NKAIN3: variants seen among roughly 807,000 people sequenced by gnomAD.
The protein encoded by NKAIN3 is sodium/potassium transporting ATPase interacting 3.
In NKAIN3, 25 loss-of-function variants were observed where a neutral mutation model predicts 30.2. The observed-to-expected ratio is 0.83, with a 90% CI of 0.60 to 1.16. The LOEUF (loss-of-function observed/expected upper bound fraction) is 1.16, where lower values mean the gene tolerates loss of function less well. Among genes scored for constraint, NKAIN3 ranks in the 50% most tolerant of loss-of-function variants. The probability of loss-of-function intolerance (pLI) is 0.00; values close to 1 mark genes in which losing one functional copy is unlikely to be tolerated. For missense variants in NKAIN3, 225 were observed against 254.1 expected, an observed-to-expected ratio of 0.89 and a Z score of 0.78; for synonymous variants, 91 against 89.6, an observed-to-expected ratio of 1.02 and a Z score of -0.09.
intron 3 of NKAIN3, among the ~76,000 whole-genome samples, chr8:62,631,364 G>A (rs921799993): frequency 3.3e-5 from 5 of 152,138 alleles, no homozygotes; most frequent in African/African-American, 1.2e-4. Context: ...CTTGGTGAGG[G>A]ATGCTGTCCT....
chr8:62,297,393 A>G (rs1221645110), intron 1 of NKAIN3, among the ~76,000 whole-genome samples: 14 of 151,956 alleles, frequency 9.2e-5, no homozygotes, highest in Admixed American at 7.2e-4. Flanking sequence ...GCAACCTACA[A>G]AATGGGAGAA....
intron 4 of NKAIN3, among the ~76,000 whole-genome samples, chr8:62,756,794 T>C (rs80133822): frequency 0.017 from 2,540 of 152,278 alleles, 69 homozygotes; most frequent in African/African-American, 0.059. Context: ...AGTATGCATA[T>C]GATTAGTATT....
intron 4 of NKAIN3, among the ~76,000 whole-genome samples, chr8:62,880,120 A>G (rs1430002768): frequency 1.3e-5 from 2 of 152,216 alleles, no homozygotes; most frequent in Non-Finnish European, 2.9e-5. Flanking sequence ...TCATTTAAAC[A>G]TAAATTTTGT....
chr8:62,703,481 T>C (rs1814411637), intron 3 of NKAIN3, among the ~76,000 whole-genome samples: 1 of 152,206 alleles, frequency 6.6e-6, no homozygotes. Flanking sequence ...ATATATCAGC[T>C]ATTTAACCAA....
intron 1 of NKAIN3, among the ~76,000 whole-genome samples, chr8:62,409,648 A>C (rs1427757327): frequency 2.6e-5 from 4 of 152,078 alleles, no homozygotes; most frequent in Non-Finnish European, 5.9e-5. Context: ...GGATTAAATA[A>C]ATTTAGATTT....
intron 1 of NKAIN3, among the ~76,000 whole-genome samples, chr8:62,539,071 G>A (rs1808758491): frequency 6.6e-6 from 1 of 152,202 alleles, no homozygotes; most frequent in Non-Finnish European, 1.5e-5. Flanking sequence ...AGGGCATCCA[G>A]TTCTCTGAAC....
chr8:62,396,647 C>A lies in NKAIN3; in HGVS notation c.54+147520C>A, dbSNP rs139912981. Among the ~76,000 whole-genome samples the A allele has an allele frequency of 2.9e-3, 437 of 152,224 alleles. 3 individuals are homozygous for A. Among genetic ancestry groups the A allele is most frequent in the African/African-American group, 0.01 (420 of 41,522 alleles). Reference sequence around the variant, plus strand: ...GTGTTAACTTTCTACTAATTAATAACCTGATAATTTTAGCCCTACTTACCC... The same window carrying A: ...GTGTTAACTTTCTACTAATTAATAAACTGATAATTTTAGCCCTACTTACCC... On this transcript the variant is annotated intron_variant, in intron 1 of 6. Transcript: ENST00000623646.
At chr8:62,548,613 C>T (rs1356797398) in intron 1 of NKAIN3, among the ~76,000 whole-genome samples, 1 of 152,050 alleles carries the variant, frequency 6.6e-6, no homozygotes, top group Non-Finnish European at 1.5e-5. Flanking sequence ...CAAATTATGG[C>T]ACGTCAAACC....
intron 3 of NKAIN3, among the ~76,000 whole-genome samples, chr8:62,698,604 A>G (rs535184798): frequency 6.6e-6 from 1 of 152,270 alleles, no homozygotes; most frequent in South Asian, 2.1e-4. Context: ...GAATTACGCT[A>G]CATATACTCT....
chr8:62,396,709 T>C (rs2129594977), intron 1 of NKAIN3, among the ~76,000 whole-genome samples: 1 of 152,342 alleles, frequency 6.6e-6, no homozygotes, highest in Admixed American at 6.5e-5. Flanking sequence ...AAATTTACAC[T>C]TTACTCCTAT....
chr8:62,814,066 A>AT (rs961622984), intron 4 of NKAIN3, among the ~76,000 whole-genome samples: 3 of 151,754 alleles, frequency 2.0e-5, no homozygotes, highest in East Asian at 3.9e-4. Flanking sequence ...CTGTTTTCAG[A>AT]TTTTTTCTCT....
chr8:62,820,176 A>T (rs1818808089), intron 4 of NKAIN3, among the ~76,000 whole-genome samples: 2 of 152,106 alleles, frequency 1.3e-5, no homozygotes, highest in African/African-American at 4.8e-5. Flanking sequence ...ACCAATGCAG[A>T]TTTGCAACGA....
intron 4 of NKAIN3, among the ~76,000 whole-genome samples, chr8:62,847,525 T>A (rs1259563739): frequency 6.6e-6 from 1 of 152,182 alleles, no homozygotes; most frequent in African/African-American, 2.4e-5. Context: ...CACTTTTTAA[T>A]GGAGTTGTTT....
chr8:62,814,520 T>C (rs1033721075), intron 4 of NKAIN3, among the ~76,000 whole-genome samples: 2 of 151,922 alleles, frequency 1.3e-5, no homozygotes, highest in Non-Finnish European at 2.9e-5. Context: ...ACAGAAATGA[T>C]AACAAACTGT....
At chr8:62,716,238 G>T (rs1814899949) in intron 3 of NKAIN3, among the ~76,000 whole-genome samples, 2 of 152,148 alleles carry the variant, frequency 1.3e-5, no homozygotes, top group South Asian at 2.1e-4. Flanking sequence ...ATGCTTTCCT[G>T]CCAGGCCCTA....
intron 3 of NKAIN3, among the ~76,000 whole-genome samples, chr8:62,681,603 G>A (rs2130419043): frequency 6.6e-6 from 1 of 152,248 alleles, no homozygotes; most frequent in East Asian, 1.9e-4. Flanking sequence ...AGGCAGGGGA[G>A]ATGGACTTTC....
intron 4 of NKAIN3, among the ~76,000 whole-genome samples, chr8:62,867,101 A>G (rs1820449751): frequency 6.3e-5 from 1 of 15,810 alleles, no homozygotes; most frequent in Non-Finnish European, 1.7e-4. Flanking sequence ...TGTTTCCAGA[A>G]AAAAAAAAAA....
chr8:62,924,265 AC>A (rs1349746912), intron 5 of NKAIN3, among the ~76,000 whole-genome samples: 1 of 152,110 alleles, frequency 6.6e-6, no homozygotes, highest in African/African-American at 2.4e-5. Context: ...CTGAAATTTA[AC>A]CATTTTTCTC....
chr8:62,743,869 C>T (rs1352947711), intron 3 of NKAIN3, among the ~76,000 whole-genome samples: 1 of 152,228 alleles, frequency 6.6e-6, no homozygotes, highest in African/African-American at 2.4e-5. Context: ...GGCATTTCTT[C>T]TTCCTAGGTA....
Sources: allele counts gnomAD v4.1 joint callset (sites outside exome capture counted in the v4.1 genomes callset), GRCh38; gene constraint gnomAD v4.1.1; transcripts MANE v1.5; gene names NCBI Gene and HGNC (gene_info 2026-07-23, HGNC 2026-07-21).